Variants in PCDHGA1 observed in about 807,000 individuals in gnomAD.
The protein encoded by PCDHGA1 is protocadherin gamma subfamily A, 1, also known as protocadherin gamma-A1.
PCDHGA1 carries 32 observed loss-of-function variants against 58.0 expected under a neutral mutation model. The observed-to-expected ratio is 0.55, with a 90% CI of 0.42 to 0.74. The LOEUF is 0.74. Ranked by LOEUF, PCDHGA1 falls within the 30% of genes least tolerant of loss-of-function variation. PCDHGA1 has a pLI of 0.00. For missense variants in PCDHGA1, 1,205 were observed against 1,182.3 expected, an observed-to-expected ratio of 1.02 and a Z score of -0.28; for synonymous variants, 498 against 501.1, an observed-to-expected ratio of 0.99 and a Z score of 0.08.
intron 1 of PCDHGA1, chr5:141,404,674 T>C: frequency 1.9e-6 from 3 of 1,614,176 alleles, no homozygotes; most frequent in East Asian, 2.2e-5. Context: ...GTTCTACTGG[T>C]GTGGAGCTGG....
At chr5:141,360,843 C>G (rs910664589) in intron 1 of PCDHGA1, 1 of 1,613,956 alleles carries the variant, frequency 6.2e-7, no homozygotes. Flanking sequence ...CGGATGCCAA[C>G]GATAACCCTC....
chr5:141,486,169 A>T lies in PCDHGA1; in HGVS notation c.2422-8638A>T. On this transcript the variant is annotated intron_variant, in intron 1 of 3. Transcript: ENST00000517417. The surrounding 1 kb of genome is among the most constrained non-coding windows in gnomAD (Gnocchi z 5.0). ...ATGGGGGTTCTCCAGCCATGGAGCA[A>T]CATTGCAGCCTTCGAGTGGATCTGC... 1 of 1,614,206 alleles carries T rather than the reference A, an allele frequency of 6.2e-7. No homozygotes were observed. Among genetic ancestry groups the T allele is most frequent in the Non-Finnish European group, 8.5e-7 (1 of 1,180,032 alleles).
At chr5:141,354,996 G>A in intron 1 of PCDHGA1, 1 of 699,244 alleles carries the variant, frequency 1.4e-6, no homozygotes, top group Non-Finnish European at 2.1e-6. Context: ...CAATCAGGGG[G>A]AAAAGACAAA....
intron 1 of PCDHGA1, among the ~76,000 whole-genome samples, chr5:141,465,335 T>C (rs1222292569): frequency 6.6e-6 from 1 of 152,186 alleles, no homozygotes; most frequent in African/African-American, 2.4e-5. Context: ...ATTTTTTATA[T>C]TGGTTACTGA....
At chr5:141,433,347 C>T (rs1207853986) in intron 1 of PCDHGA1, 3 of 626,596 alleles carry the variant, frequency 4.8e-6, no homozygotes, top group Non-Finnish European at 8.3e-6. Context: ...GTGCAAGCCA[C>T]CTACTGTCTG....
intron 1 of PCDHGA1, chr5:141,383,587 G>A (rs1054174619): frequency 3.1e-6 from 5 of 1,613,564 alleles, no homozygotes; most frequent in African/African-American, 1.3e-5. Context: ...CCACATCCAG[G>A]TGACAGTGGT....
At chr5:141,426,153 T>C (rs928934950) in intron 1 of PCDHGA1, 12 of 154,130 alleles carry the variant, frequency 7.8e-5, no homozygotes, top group African/African-American at 2.6e-4. Flanking sequence ...CTCCTGCAAA[T>C]CTGATTCCAT....
intron 1 of PCDHGA1, chr5:141,433,253 G>T: frequency 7.1e-7 from 1 of 1,416,466 alleles, no homozygotes; most frequent in South Asian, 1.3e-5. Flanking sequence ...GAATGCAGCG[G>T]TACGATCATA....
chr5:141,403,685 C>T, intron 1 of PCDHGA1: 4 of 1,613,822 alleles, frequency 2.5e-6, no homozygotes, highest in Non-Finnish European at 3.4e-6. Flanking sequence ...TTTTGCTCAA[C>T]GGATTTACCG....
At position 141,476,719 on chromosome 5, in the gene PCDHGA1, C is replaced by T; in HGVS notation, c.2422-18088C>T. ...ACGCGGAGCTGGTGTTGGAGCGCGC[C>T]CTGGACCGAGAACGGGAGCCTAGTC... On this transcript the variant is annotated intron_variant, in intron 1 of 3. Coordinates refer to ENST00000517417, the MANE Select transcript of PCDHGA1 (RefSeq NM_018912.3). The surrounding 1 kb of genome is among the most constrained non-coding windows in gnomAD (Gnocchi z 7.6). The T allele has an allele frequency of 6.2e-7, 1 of 1,614,154 alleles. No homozygotes were observed.
chr5:141,505,577 G>A lies in PCDHGA1; in HGVS notation c.2569+96G>A, dbSNP rs537948666. 8.2e-6 allele frequency: 13 copies of A among 1,589,854 alleles called. No homozygotes were observed. The African/African-American group carries it at 1.1e-4, about 13-fold the overall frequency. Reference sequence around the variant, plus strand: ...TGCCCACGGACTGGATGTCAAACCTGTGTAGTTTCTCCAGATCTTTCGGCA... The same window carrying A: ...TGCCCACGGACTGGATGTCAAACCTATGTAGTTTCTCCAGATCTTTCGGCA... On this transcript the variant is annotated intron_variant, in intron 3 of 3. Coordinates refer to ENST00000517417, the MANE Select transcript of PCDHGA1 (RefSeq NM_018912.3).
At chr5:141,468,560 T>G (rs571224791) in intron 1 of PCDHGA1, 1 of 152,004 alleles carries the variant, frequency 6.6e-6, no homozygotes, top group Non-Finnish European at 1.5e-5. Flanking sequence ...ATTTGTGATA[T>G]AGTAAACAAT....
intron 1 of PCDHGA1, chr5:141,366,385 G>A: frequency 3.1e-6 from 5 of 1,614,150 alleles, no homozygotes; most frequent in Non-Finnish European, 4.2e-6. Flanking sequence ...TTGACCCTGA[G>A]GATCTGGACC....
chr5:141,467,572 G>A (rs1351985954), intron 1 of PCDHGA1, among the ~76,000 whole-genome samples: 1 of 152,184 alleles, frequency 6.6e-6, no homozygotes, highest in African/African-American at 2.4e-5. Flanking sequence ...TGGCTATCCA[G>A]TTGTCCCAAT....
Position 141,331,463 on chromosome 5 carries a change from A to G in PCDHGA1, c.779A>G (p.Gln260Arg), listed in dbSNP as rs977918916. 3 of 1,614,212 alleles carry G rather than the reference A, an allele frequency of 1.9e-6. No individual in the cohort carries two copies. The East Asian group carries it at 6.7e-5, about 36-fold the overall frequency. ...CCCGAAAACGTGCCGCTGGGTACTC[A>G]GCTGCTCATGGTAAATGCCACTGAC... Reference protein sequence around the residue: ...NVPENVPLGTQLLMVNATDPD... With the variant: ...NVPENVPLGTRLLMVNATDPD... Residue 260 changes from glutamine to arginine, a missense_variant, in exon 1 of 4, where the codon CAG becomes CGG. Gln to Arg is a conservative substitution (Grantham distance 43, BLOSUM62 1). Transcript: ENST00000517417.
Position 141,333,421 on chromosome 5 carries a change from C to T in PCDHGA1, c.2421+316C>T, listed in dbSNP as rs556520068. On this transcript the variant is annotated intron_variant, in intron 1 of 3. Coordinates refer to ENST00000517417, the MANE Select transcript of PCDHGA1 (RefSeq NM_018912.3). ...TAGCTTCTAACATTTTCTTACTTGC[C>T]TCTGGGCTAAAAGGTTTGATTAGAA... The T allele has an allele frequency of 4.1e-5, 20 of 486,466 alleles. 2 individuals carry two copies. The East Asian group carries it at 6.5e-4, about 16-fold the overall frequency. The allele number at this position is 486,466 out of a possible 1,614,324, so 30.1% of individuals were successfully genotyped here.
In PCDHGA1 at chr5:141,511,360, T is replaced by C; in HGVS notation, c.*187T>C. The C allele has an allele frequency of 7.5e-7, 1 of 1,333,050 alleles. No individual in the cohort carries two copies. Among genetic ancestry groups the C allele is most frequent in the Non-Finnish European group, 1.0e-6 (1 of 994,882 alleles). 82.6% of individuals were successfully genotyped at this position (1,333,050 alleles called of 1,614,324 possible). On this transcript the variant is annotated 3_prime_UTR_variant, in exon 4 of 4. Transcript: ENST00000517417. ...ACCTACCCCTTCCCCCCCAGGGGGT[T>C]GAATATGCAAAAGCAGTTCCGCTGG...
intron 1 of PCDHGA1, chr5:141,372,266 T>C (rs1230396538): frequency 6.2e-7 from 1 of 1,613,082 alleles, no homozygotes. Flanking sequence ...TGCGCACGGG[T>C]GAGGTGCGCA....
At chr5:141,343,858 A>G in intron 1 of PCDHGA1, 1 of 552,346 alleles carries the variant, frequency 1.8e-6, no homozygotes, top group Non-Finnish European at 3.1e-6. Flanking sequence ...AATGCAAAGA[A>G]CCAGCAAATC....
Sources: allele counts gnomAD v4.1 joint callset (sites outside exome capture counted in the v4.1 genomes callset), GRCh38; gene constraint gnomAD v4.1.1; non-coding constraint Gnocchi (gnomAD v3.1); transcripts MANE v1.5; gene names NCBI Gene and HGNC (gene_info 2026-07-23, HGNC 2026-07-21).